MICAL2: variants seen among roughly 807,000 people sequenced by gnomAD.
MICAL2 encodes microtubule associated monooxygenase, calponin and LIM domain containing 2, also known as [F-actin]-monooxygenase MICAL2.
In MICAL2, 77 loss-of-function variants were observed where a neutral mutation model predicts 127.3. The observed-to-expected ratio is 0.60, with a 90% CI of 0.50 to 0.73. The LOEUF (loss-of-function observed/expected upper bound fraction) is 0.73. Ranked by LOEUF, MICAL2 falls within the 30% of genes least tolerant of loss-of-function variation. The probability of loss-of-function intolerance (pLI) is 0.00; values close to 1 mark genes in which losing one functional copy is unlikely to be tolerated. For missense variants in MICAL2, 1,351 were observed against 1,434.4 expected, an observed-to-expected ratio of 0.94 and a Z score of 0.94; for synonymous variants, 570 against 551.1, an observed-to-expected ratio of 1.03 and a Z score of -0.48.
At position 12,224,838 on chromosome 11, in the gene MICAL2, G is replaced by C; in HGVS notation, c.1688+18G>C. On this transcript the variant is annotated intron_variant, in intron 13 of 27. Transcript: ENST00000683283. The stretch of plus-strand genomic sequence containing the variant: ...GAGCTCATGTGAGTCTGGGGCCCAG[G>C]CTGGCCCCTGGAGACGAGGGATGCC... The C allele has an allele frequency of 1.3e-6, 2 of 1,598,392 alleles. No homozygotes were observed. Among genetic ancestry groups the C allele is most frequent in the Non-Finnish European group, 1.7e-6 (2 of 1,167,104 alleles).
upstream of MICAL2, chr11:12,274,772 C>A (rs1234231268): frequency 2.6e-5 from 4 of 152,222 alleles, no homozygotes; most frequent in Admixed American, 2.0e-4. Context: ...TTATCTTGGA[C>A]TTTGCAGGCC....
In MICAL2 at chr11:12,226,651, G is replaced by GGT. The variant is rs397978478; in HGVS notation, c.1888+281_1888+282insGT. On this transcript the variant is annotated intron_variant, in intron 14 of 27. Transcript: ENST00000683283. ...TTTGTTTTTTTGTTGTTTGTTTTTGGTTTTTTTTTTTTTTTTTTTGAGAGG... is the reference window on the plus strand; with the variant it reads ...TTTGTTTTTTTGTTGTTTGTTTTTGGGTTTTTTTTTTTTTTTTTTTTGAGAGG... Among the ~76,000 whole-genome samples, 102 of 126,332 alleles carry GGT rather than the reference G, an allele frequency of 8.1e-4. 3 individuals carry two copies. The highest frequency in any genetic ancestry group is 1.8e-3 in the African/African-American group (61 of 33,490). The allele number at this position is 126,332 out of a possible 152,430, so 82.9% of individuals were successfully genotyped here.
intron 32 of MICAL2, among the ~76,000 whole-genome samples, chr11:12,330,900 A>AGT (rs200754218): frequency 0.055 from 6,550 of 119,128 alleles, 326 homozygotes; most frequent in African/African-American, 0.12. Flanking sequence ...AGAGAGAGAG[A>AGT]GTGTGTGTGT....
chr11:12,192,271 A>T (rs1859283977), intron 3 of MICAL2, among the ~76,000 whole-genome samples: 1 of 152,224 alleles, frequency 6.6e-6, no homozygotes, highest in Non-Finnish European at 1.5e-5. Context: ...CCAGTGCAGG[A>T]AAAGTCAGCT....
chr11:12,303,285 A>G (rs1404503867), intron 29 of MICAL2, among the ~76,000 whole-genome samples: 1 of 152,212 alleles, frequency 6.6e-6, no homozygotes, highest in Admixed American at 6.5e-5. Context: ...CCCTACTCCA[A>G]GGTCATGTAG....
chr11:12,122,666 C>T lies in MICAL2; in HGVS notation c.-149+11940C>T, dbSNP rs186274916. On this transcript the variant is annotated intron_variant, in intron 1 of 27. Coordinates refer to ENST00000683283, the MANE Select transcript of MICAL2 (RefSeq NM_001282663.2). The stretch of plus-strand genomic sequence containing the variant: ...TCAAGTGATCTGCCTGCCTCAGCTT[C>T]CCAAAGTGCTGGGATTACAGGAGTG... Among the ~76,000 whole-genome samples the T allele has an allele frequency of 9.8e-4, 150 of 152,324 alleles. 1 individual carries two copies. The highest frequency in any genetic ancestry group is 1.8e-3 in the Non-Finnish European group (120 of 68,024).
exon 30 of MICAL2, chr11:12,319,762 C>T (rs769684309): frequency 1.2e-6 from 2 of 1,614,028 alleles, no homozygotes; most frequent in African/African-American, 2.7e-5. Context: ...TCAACCTCCT[C>T]CTCCTCTGCA....
chr11:12,201,790 C>T (rs537699180), intron 3 of MICAL2, among the ~76,000 whole-genome samples: 5 of 152,338 alleles, frequency 3.3e-5, no homozygotes, highest in African/African-American at 7.2e-5. Context: ...CAAATGCCAA[C>T]AGGACCAAGG....
At chr11:12,229,885 GATCTGTCC>G (rs1857988138) in intron 15 of MICAL2, among the ~76,000 whole-genome samples, 2 of 152,354 alleles carry the variant, frequency 1.3e-5, no homozygotes, top group South Asian at 4.1e-4. Context: ...AAGGCCCACA[GATCTGTCC>G]TCTCCCACAG....
intron 32 of MICAL2, among the ~76,000 whole-genome samples, chr11:12,336,014 A>G (rs1478816177): frequency 6.6e-6 from 1 of 152,150 alleles, no homozygotes; most frequent in African/African-American, 2.4e-5. Context: ...CTTGATGGGG[A>G]TGGCATTGAA....
chr11:12,330,488 T>A (rs1431054443), intron 32 of MICAL2, among the ~76,000 whole-genome samples: 1 of 152,124 alleles, frequency 6.6e-6, no homozygotes, highest in Non-Finnish European at 1.5e-5. Flanking sequence ...GATAATTATG[T>A]AGGCAGCCTG....
chr11:12,220,581 C>T (rs1412103418), intron 9 of MICAL2, 123 bp downstream of exon 9: 2 of 1,349,972 alleles, frequency 1.5e-6, no homozygotes, highest in East Asian at 2.5e-5. Context: ...GTTGGCAGGA[C>T]TCTGCCAAGC....
At chr11:12,251,871 TATTA>T (rs1861608998) in intron 22 of MICAL2, among the ~76,000 whole-genome samples, 1 of 152,224 alleles carries the variant, frequency 6.6e-6, no homozygotes, top group Non-Finnish European at 1.5e-5. Flanking sequence ...ACAAAGTGCT[TATTA>T]GCTAAGTAGT....
intron 15 of MICAL2, among the ~76,000 whole-genome samples, chr11:12,230,714 T>TCC (rs35525006): frequency 0.091 from 13,772 of 150,634 alleles, 1,479 homozygotes; most frequent in African/African-American, 0.26. Context: ...AATTCTTCTT[T>TCC]CCCCCCCCAT....
At chr11:12,115,825 A>T (rs1186651418) in intron 1 of MICAL2, among the ~76,000 whole-genome samples, 1 of 152,228 alleles carries the variant, frequency 6.6e-6, no homozygotes, top group African/African-American at 2.4e-5. Flanking sequence ...AATTTGAAGT[A>T]GGTAGACAGA....
intron 21 of MICAL2, among the ~76,000 whole-genome samples, chr11:12,248,046 C>A (rs116150043): frequency 1.3e-3 from 202 of 152,308 alleles, no homozygotes; most frequent in African/African-American, 4.7e-3. Context: ...TAATAATCTC[C>A]TCATGGGAAC....
rs537100995 is a variant in MICAL2 at position 12,314,542 on chromosome 11, G to A, written c.5213-5154G>A. ...CACCCAGGCTGGAGTGCAGTGGCGC[G>A]ATCTCGGCTCACTGAAAGTTCCGTC... On this transcript the variant is annotated intron_variant, in intron 29 of 34. Transcript: ENST00000646065. Among the ~76,000 whole-genome samples, 33 of 151,724 alleles carry A rather than the reference G, an allele frequency of 2.2e-4. No homozygotes were observed. In the South Asian group the frequency reaches 3.5e-3, roughly 16 times the overall value.
intron 3 of MICAL2, among the ~76,000 whole-genome samples, chr11:12,200,225 C>A (rs946173156): frequency 2.0e-5 from 3 of 152,180 alleles, no homozygotes; most frequent in Admixed American, 1.3e-4. Context: ...TCTGGGGAAG[C>A]AGAAAGGACA....
At chr11:12,164,796 G>A (rs541221443) in intron 3 of MICAL2, among the ~76,000 whole-genome samples, 1 of 152,324 alleles carries the variant, frequency 6.6e-6, no homozygotes, top group South Asian at 2.1e-4. Context: ...TGATGTGAGG[G>A]AGGAGCAAAT....
Sources: allele counts gnomAD v4.1 joint callset (sites outside exome capture counted in the v4.1 genomes callset), GRCh38; gene constraint gnomAD v4.1.1; transcripts MANE v1.5; gene names NCBI Gene and HGNC (gene_info 2026-07-23, HGNC 2026-07-21).